The following RUNX1 variants were observed in gnomAD, a reference collection of about 807,000 sequenced individuals.
RUNX1 encodes runt-related transcription factor 1.
A neutral mutation model predicts 42.8 loss-of-function variants in RUNX1; 19 were observed. That is an observed-to-expected ratio of 0.44 (90% CI 0.31 to 0.65). RUNX1 has a LOEUF of 0.65. RUNX1 is among the 30% of genes least tolerant of loss of function. The pLI, the probability that RUNX1 is intolerant of heterozygous loss-of-function variation, is 0.07. For missense variants in RUNX1, 528 were observed against 672.0 expected (o/e 0.79, Z 2.37); for synonymous variants, 271 against 289.4 (o/e 0.94, Z 0.64).
intron 1 of RUNX1, 55 bp from the exon 2 acceptor site, chr21:35,049,013 A>G: frequency 3.5e-6 from 3 of 866,870 alleles, no homozygotes; most frequent in African/African-American, 1.6e-5. Flanking sequence ...CTCTAGCCCT[A>G]CATCTCTCTT....
At position 34,792,107 on chromosome 21, in the gene RUNX1, G is replaced by GGGGCCCAGCC; in HGVS notation, c.*18_*27dup. 1 of 1,325,524 alleles carries GGGGCCCAGCC rather than the reference G, an allele frequency of 7.5e-7. No homozygotes were observed. The highest frequency in any genetic ancestry group is 4.0e-5 in the Admixed American group (1 of 25,118). 82.1% of individuals were successfully genotyped at this position (1,325,524 alleles called of 1,614,324 possible). A position where few individuals can be genotyped will look rare whatever the true frequency, so the allele number is the denominator to read the frequency against. The stretch of plus-strand genomic sequence containing the variant: ...CCCGGAGGCGAAGGCGGCGGCCCGC[G>GGGGCCCAGCC]GGGCCCAGCCGGGCCAGGCCTGGCG... On this transcript the variant is annotated 3_prime_UTR_variant, in exon 9 of 9. Coordinates refer to ENST00000675419, the MANE Select transcript of RUNX1 (RefSeq NM_001754.5). The surrounding 1 kb of genome is among the most constrained non-coding windows in gnomAD (Gnocchi z 6.9).
intron 2 of RUNX1, among the ~76,000 whole-genome samples, chr21:34,993,914 T>C (rs1319458540): frequency 6.6e-6 from 1 of 152,208 alleles, no homozygotes; most frequent in Non-Finnish European, 1.5e-5. Context: ...TCTAATTTAT[T>C]CCACATCATT....
chr21:34,889,489 C>G (rs2058050638), intron 3 of RUNX1, among the ~76,000 whole-genome samples: 1 of 152,146 alleles, frequency 6.6e-6, no homozygotes, highest in Non-Finnish European at 1.5e-5. Flanking sequence ...GGAAAGACCC[C>G]AAGAACGCGC....
chr21:34,993,454 G>A (rs547701219), intron 2 of RUNX1, among the ~76,000 whole-genome samples: 1 of 151,854 alleles, frequency 6.6e-6, no homozygotes, highest in South Asian at 2.1e-4. Flanking sequence ...ACCATTAATA[G>A]GAGCCAGAAT....
chr21:34,899,837 C>G lies in RUNX1; in HGVS notation c.59-6874G>C, dbSNP rs1253656043. 2.6e-5 allele frequency among the ~76,000 whole-genome samples: 4 copies of G among 152,318 alleles called. No homozygotes were observed. In the South Asian group the frequency reaches 8.3e-4, roughly 32 times the overall value. On this transcript the variant is annotated intron_variant, in intron 2 of 8. Transcript: ENST00000675419. The stretch of plus-strand genomic sequence containing the variant: ...GTCAAATTTCCTTATTAGATCCTGA[C>G]AAGTTGCCTTTAAACCATTAGGACA...
chr21:34,994,026 G>A lies in RUNX1; in HGVS notation c.58+54816C>T, dbSNP rs548224254. 1.8e-4 allele frequency among the ~76,000 whole-genome samples: 27 copies of A among 152,256 alleles called. No individual in the cohort carries two copies. The East Asian group carries it at 2.7e-3, about 15-fold the overall frequency. ...GGGAAAGGGTTGTTCCCTCCGGGCC[G>A]GCTGGCAACATACGGAATTGTCTCA... On this transcript the variant is annotated intron_variant, in intron 2 of 8. Transcript: ENST00000675419.
chr21:34,929,236 T>C (rs1019735734), intron 2 of RUNX1, among the ~76,000 whole-genome samples: 1 of 152,200 alleles, frequency 6.6e-6, no homozygotes, highest in African/African-American at 2.4e-5. Flanking sequence ...ACAGTGTATT[T>C]ATTTAGGGAT....
chr21:35,001,385 T>A (rs1444805818), intron 2 of RUNX1, among the ~76,000 whole-genome samples: 1 of 151,336 alleles, frequency 6.6e-6, no homozygotes, highest in Non-Finnish European at 1.5e-5. Flanking sequence ...ACTATAGTTC[T>A]ATGGCACTAA....
At chr21:34,929,982 A>C (rs1378977750) in intron 2 of RUNX1, among the ~76,000 whole-genome samples, 1 of 151,858 alleles carries the variant, frequency 6.6e-6, no homozygotes, top group East Asian at 1.9e-4. Flanking sequence ...AATAAGATAC[A>C]ACTCTTTATT....
At chr21:34,939,805 A>AT (rs2146627874) in intron 2 of RUNX1, among the ~76,000 whole-genome samples, 1 of 152,292 alleles carries the variant, frequency 6.6e-6, no homozygotes, top group South Asian at 2.1e-4. Context: ...GTTCTGGAAC[A>AT]TTTCAAATGC....
At chr21:34,804,794 G>A (rs2056656240) in intron 7 of RUNX1, among the ~76,000 whole-genome samples, 1 of 149,948 alleles carries the variant, frequency 6.7e-6, no homozygotes, top group Non-Finnish European at 1.5e-5. Flanking sequence ...CCACACTGGA[G>A]TGCAGTGGCG....
At chr21:35,031,001 A>C (rs1331375749) in intron 2 of RUNX1, among the ~76,000 whole-genome samples, 5 of 152,242 alleles carry the variant, frequency 3.3e-5, no homozygotes, top group Non-Finnish European at 7.3e-5. Context: ...CATCATGCAA[A>C]TTAAAACCAC....
intron 2 of RUNX1, among the ~76,000 whole-genome samples, chr21:34,992,246 G>A (rs767773187): frequency 1.3e-5 from 2 of 152,208 alleles, no homozygotes; most frequent in Non-Finnish European, 2.9e-5. Context: ...TCTGCCCGGT[G>A]GTGGATGTAG....
chr21:34,832,405 C>A (rs1030061417), intron 7 of RUNX1, among the ~76,000 whole-genome samples: 1 of 152,136 alleles, frequency 6.6e-6, no homozygotes, highest in Non-Finnish European at 1.5e-5. Flanking sequence ...TATCAATTTT[C>A]CCCCATGTGG....
chr21:34,820,477 C>T (rs2056892950), intron 7 of RUNX1, among the ~76,000 whole-genome samples: 2 of 152,078 alleles, frequency 1.3e-5, no homozygotes, highest in South Asian at 4.2e-4. Flanking sequence ...TGCTGAAACC[C>T]CATCTGTACT....
rs79646770 is a variant in RUNX1, at chr21:34,817,715, T to C, written c.805+16695A>G. Among the ~76,000 whole-genome samples the C allele has an allele frequency of 5.5e-3, 832 of 152,286 alleles. 8 individuals are homozygous for C. The highest frequency in any genetic ancestry group is 0.019 in the African/African-American group (787 of 41,552). On this transcript the variant is annotated intron_variant, in intron 7 of 8. Coordinates refer to ENST00000675419, the MANE Select transcript of RUNX1 (RefSeq NM_001754.5). ...GCAGTAAAGAGTGGTTTTTGATAAC[T>C]CTGGGAAGCTCTTTTCCTGACTCCT... is the stretch of plus-strand genomic sequence containing the variant.
chr21:35,025,654 A>T (rs2059230137), intron 2 of RUNX1, among the ~76,000 whole-genome samples: 1 of 152,176 alleles, frequency 6.6e-6, no homozygotes, highest in East Asian at 1.9e-4. Context: ...TATTTAGGTC[A>T]AGGGGCCTTC....
chr21:34,933,966 G>T (rs1303423192), intron 2 of RUNX1, among the ~76,000 whole-genome samples: 1 of 152,206 alleles, frequency 6.6e-6, no homozygotes, highest in Non-Finnish European at 1.5e-5. Context: ...CTACCTGGGG[G>T]TTCCAGGTAA....
chr21:35,008,831 G>C (rs1490058086), intron 2 of RUNX1, among the ~76,000 whole-genome samples: 1 of 152,052 alleles, frequency 6.6e-6, no homozygotes, highest in East Asian at 1.9e-4. Flanking sequence ...TAGGCTTCTG[G>C]AAGAAGATAA....
Sources: gnomAD v4.1 joint callset for allele counts (sites outside exome capture counted in the v4.1 genomes callset) on GRCh38, gnomAD v4.1.1 for gene constraint, Gnocchi (gnomAD v3.1) non-coding constraint, MANE v1.5 for transcripts, NCBI Gene and HGNC (gene_info 2026-07-23, HGNC 2026-07-21) for gene names.